CACNA1C: variants seen among roughly 807,000 people sequenced by gnomAD.
CACNA1C encodes the protein voltage-dependent L-type calcium channel subunit alpha-1C.
In CACNA1C, 30 loss-of-function variants were observed where a neutral mutation model predicts 229.0. The observed-to-expected ratio is 0.13, with a 90% CI of 0.10 to 0.18. The LOEUF (loss-of-function observed/expected upper bound fraction) is 0.18, where lower values mean the gene tolerates loss of function less well. Among genes scored for constraint, CACNA1C ranks in the 10% least tolerant of loss-of-function variants. The pLI is 1.00. For synonymous variants in CACNA1C, 1,114 were observed against 1,132.5 expected (o/e 0.98, Z 0.33); for missense variants, 1,658 against 2,845.0 (o/e 0.58, Z 9.49).
chr12:2,064,968 A>T (rs1457491342), intron 1 of CACNA1C, among the ~76,000 whole-genome samples: 1 of 152,198 alleles, frequency 6.6e-6, no homozygotes, highest in African/African-American at 2.4e-5. Context: ...TGAAGCTCAG[A>T]AGACTTTGCA....
chr12:2,671,677 A>AC (rs2096577106), intron 38 of CACNA1C, among the ~76,000 whole-genome samples: 1 of 152,208 alleles, frequency 6.6e-6, no homozygotes, highest in South Asian at 2.1e-4. Context: ...ACTAAGGAAG[A>AC]CCAATAGCTA....
At position 2,380,837 on chromosome 12, in the gene CACNA1C, G is replaced by A. The variant is rs995118716; in HGVS notation, c.478-68139G>A. 5.9e-5 allele frequency among the ~76,000 whole-genome samples: 9 copies of A among 152,298 alleles called. No homozygotes were observed. The East Asian group carries it at 7.7e-4, about 13-fold the overall frequency. ...TTGGGGGCCCTGCTTGGGAGTGGGTGGGGGGCAATGTCCTCATTACAGCAC... is the reference window on the plus strand; with the variant it reads ...TTGGGGGCCCTGCTTGGGAGTGGGTAGGGGGCAATGTCCTCATTACAGCAC... On this transcript the variant is annotated intron_variant, in intron 3 of 46. Transcript: ENST00000399655.
chr12:2,663,732 T>C (rs2095887263), intron 34 of CACNA1C, among the ~76,000 whole-genome samples: 1 of 126,542 alleles, frequency 7.9e-6, no homozygotes, highest in African/African-American at 2.9e-5. Flanking sequence ...GAGAATAGAG[T>C]ATCTTTTTTT....
In CACNA1C at chr12:2,653,978, C is replaced by A; in HGVS notation, c.4140+78C>A. 8.8e-7 allele frequency: 1 copy of A among 1,131,708 alleles called. No homozygotes were observed. Among genetic ancestry groups the A allele is most frequent in the Non-Finnish European group, 1.3e-6 (1 of 754,822 alleles). 70.1% of individuals were successfully genotyped at this position (1,131,708 alleles called of 1,614,324 possible). A position where few individuals can be genotyped will look rare whatever the true frequency, so the allele number is the denominator to read the frequency against. On this transcript the variant is annotated intron_variant, in intron 33 of 46. Coordinates refer to ENST00000399655, the MANE Select transcript of CACNA1C (RefSeq NM_000719.7). This position sits in a 1 kb window ranked among gnomAD's most constrained non-coding sequence, Gnocchi z 4.7. ...GTTCCCAGCACCACATTCCCTAACG[C>A]CTTCCTCCCTCCCTTCTCCCTTTCA...
chr12:2,536,998 G>T (rs1201021986), intron 9 of CACNA1C, among the ~76,000 whole-genome samples: 1 of 152,114 alleles, frequency 6.6e-6, no homozygotes, highest in Non-Finnish European at 1.5e-5. Flanking sequence ...CCAAACTCAG[G>T]CCCCTGGCCC....
intron 3 of CACNA1C, among the ~76,000 whole-genome samples, chr12:2,440,011 A>G (rs1457344676): frequency 2.0e-5 from 3 of 152,274 alleles, no homozygotes; most frequent in African/African-American, 7.2e-5. Flanking sequence ...CTCCCTGCCC[A>G]GCCCTTCTTC....
chr12:2,099,941 G>A lies in CACNA1C; in HGVS notation c.50-15283G>A, dbSNP rs145666448. Among the ~76,000 whole-genome samples, 695 of 152,292 alleles carry A rather than the reference G, an allele frequency of 4.6e-3. 5 individuals are homozygous for A. Among genetic ancestry groups the A allele is most frequent in the African/African-American group, 0.016 (672 of 41,564 alleles). On this transcript the variant is annotated intron_variant, in intron 1 of 46. Coordinates refer to ENST00000399655, the MANE Select transcript of CACNA1C (RefSeq NM_000719.7). The stretch of plus-strand genomic sequence containing the variant: ...GTGTTATTATCTGCTTTTTACAAGT[G>A]AGGAAGCTGAGGCACAGAGAGGCTA...
intron 15 of CACNA1C, among the ~76,000 whole-genome samples, chr12:2,583,877 C>G (rs1314414814): frequency 6.6e-6 from 1 of 152,154 alleles, no homozygotes; most frequent in African/African-American, 2.4e-5. Context: ...TGCCTGGGGC[C>G]GGGGGTCAGA....
At chr12:2,231,217 G>A (rs1339175545) in intron 3 of CACNA1C, among the ~76,000 whole-genome samples, 3 of 152,180 alleles carry the variant, frequency 2.0e-5, no homozygotes, top group Non-Finnish European at 2.9e-5. Context: ...TGAGGCCAGA[G>A]TCCATGTGCA....
chr12:2,667,322 G>C (rs1468875), intron 37 of CACNA1C, among the ~76,000 whole-genome samples: 1 of 145,036 alleles, frequency 6.9e-6, no homozygotes, highest in African/African-American at 2.8e-5. Flanking sequence ...TGGCCATTCC[G>C]TGCTCCTTGT....
chr12:2,186,967 A>C (rs78778901), intron 3 of CACNA1C, among the ~76,000 whole-genome samples: 2,993 of 151,652 alleles, frequency 0.02, 106 homozygotes, highest in African/African-American at 0.068. Flanking sequence ...CCCTTTCCCC[A>C]CAAACTGGCT....
rs371354693 is a variant in CACNA1C at position 2,218,714 on chromosome 12, C to T, written c.477+98284C>T. Among the ~76,000 whole-genome samples, 10 of 152,142 alleles carry T rather than the reference C, an allele frequency of 6.6e-5. No homozygotes were observed. The East Asian group carries it at 1.3e-3, about 20-fold the overall frequency. On this transcript the variant is annotated intron_variant, in intron 3 of 46. Transcript: ENST00000399655. ...ATTTGATGTCCGGGCTACTGTAATA[C>T]GTGAAATAGATTTAAGAAGATCCTT...
At chr12:2,286,399 C>T (rs943308237) in intron 3 of CACNA1C, among the ~76,000 whole-genome samples, 2 of 152,066 alleles carry the variant, frequency 1.3e-5, no homozygotes, top group Non-Finnish European at 2.9e-5. Context: ...GTGGAGCGAG[C>T]GGGTGAAAAT....
At chr12:1,991,132 A>AT (rs1465722801) in intron 1 of CACNA1C, 1 of 456,122 alleles carries the variant, frequency 2.2e-6, no homozygotes, top group Non-Finnish European at 4.4e-6. Context: ...TTTAATTTGC[A>AT]TCCATGTTTA....
At chr12:2,014,668 C>T (rs1226972251) in intron 1 of CACNA1C, among the ~76,000 whole-genome samples, 1 of 152,180 alleles carries the variant, frequency 6.6e-6, no homozygotes, top group Admixed American at 6.5e-5. Context: ...CATGAATTGC[C>T]AAGTGTATCG....
At chr12:2,114,315 CT>C (rs2082954880) in intron 1 of CACNA1C, among the ~76,000 whole-genome samples, 1 of 152,116 alleles carries the variant, frequency 6.6e-6, no homozygotes, top group Non-Finnish European at 1.5e-5. Flanking sequence ...GAAAGGCTGC[CT>C]TGTGTGGGGG....
At position 2,666,541 on chromosome 12, in the gene CACNA1C, T is replaced by G; in HGVS notation, c.4527-145T>G. The G allele has an allele frequency of 1.7e-6, 1 of 588,052 alleles. No individual in the cohort carries two copies. Among genetic ancestry groups the G allele is most frequent in the Non-Finnish European group, 3.1e-6 (1 of 325,372 alleles). The allele number at this position is 588,052 out of a possible 1,614,324, so 36.4% of individuals were successfully genotyped here. A position where few individuals can be genotyped will look rare whatever the true frequency, so the allele number is the denominator to read the frequency against. On this transcript the variant is annotated intron_variant, in intron 36 of 46. Coordinates refer to ENST00000399655, the MANE Select transcript of CACNA1C (RefSeq NM_000719.7). The surrounding 1 kb of genome is among the most constrained non-coding windows in gnomAD (Gnocchi z 5.3). ...GCTGTGTCATGCAATTCTGCAACTCTGTACTGAGTGTGACTAATAGGGCTA... is the reference window on the plus strand; with the variant it reads ...GCTGTGTCATGCAATTCTGCAACTCGGTACTGAGTGTGACTAATAGGGCTA...
In CACNA1C at chr12:2,233,961, G is replaced by A. The variant is rs900094851; in HGVS notation, c.477+113531G>A. 1.1e-4 allele frequency among the ~76,000 whole-genome samples: 16 copies of A among 152,202 alleles called. 1 individual carries two copies. The highest frequency in any genetic ancestry group is 7.9e-4 in the Admixed American group (12 of 15,280). On this transcript the variant is annotated intron_variant, in intron 3 of 46. Transcript: ENST00000399655. ...CAGTTAAGGTCATTTGGATGGGCAT[G>A]ATCCTTACTCCCAGGTCCACCCTTC...
intron 3 of CACNA1C, among the ~76,000 whole-genome samples, chr12:2,395,930 G>A (rs1427138223): frequency 1.3e-5 from 2 of 152,128 alleles, no homozygotes; most frequent in African/African-American, 2.4e-5. Flanking sequence ...GCCAGGATCC[G>A]GTACTAGGGT....
Sources: allele counts gnomAD v4.1 joint callset (sites outside exome capture counted in the v4.1 genomes callset), GRCh38; gene constraint gnomAD v4.1.1; non-coding constraint Gnocchi (gnomAD v3.1); transcripts MANE v1.5; gene names NCBI Gene and HGNC (gene_info 2026-07-23, HGNC 2026-07-21).